Variants in RSPH14 observed in about 807,000 individuals in gnomAD.
The protein encoded by RSPH14 is radial spoke head 14 homolog, also known as rhabdoid tumor deletion region gene 1.
In RSPH14, 20 loss-of-function variants were observed where a neutral mutation model predicts 26.7. The ratio of observed to expected loss-of-function variants is 0.75; its 90% CI spans 0.53 to 1.09. RSPH14 has a LOEUF of 1.09. Ranked by LOEUF, RSPH14 falls within the 50% of genes least tolerant of loss-of-function variation. RSPH14 has a pLI of 0.00. For missense variants in RSPH14, 449 were observed against 457.2 expected, an observed-to-expected ratio of 0.98 and a Z score of 0.16; for synonymous variants, 177 against 189.3, an observed-to-expected ratio of 0.93 and a Z score of 0.53.
chr22:23,153,149 C>A, the RSPH14 span: 4 of 1,600,850 alleles, frequency 2.5e-6, no homozygotes, highest in Admixed American at 1.7e-5. Flanking sequence ...GTTGCTGGTT[C>A]CCCCATGGCT....
chr22:23,109,422 G>A (rs2069579551), intron 4 of RSPH14, among the ~76,000 whole-genome samples: 1 of 152,182 alleles, frequency 6.6e-6, no homozygotes, highest in African/African-American at 2.4e-5. Flanking sequence ...CTTTTTGGGA[G>A]TCCTGAATCT....
intron 4 of RSPH14, among the ~76,000 whole-genome samples, chr22:23,081,890 C>A (rs1001688992): frequency 6.7e-6 from 1 of 149,658 alleles, no homozygotes; most frequent in Non-Finnish European, 1.5e-5. Flanking sequence ...CTTTGGGGGG[C>A]CGAGGCGGGC....
chr22:23,140,187 C>A (rs749646687), intron 2 of RSPH14, 35 bp downstream of exon 2: 5 of 1,609,370 alleles, frequency 3.1e-6, no homozygotes, highest in Non-Finnish European at 4.2e-6. Flanking sequence ...ATGCTAGGAC[C>A]CCAGTCATGG....
chr22:23,129,088 T>C (rs1336299685), intron 4 of RSPH14, among the ~76,000 whole-genome samples: 1 of 152,112 alleles, frequency 6.6e-6, no homozygotes, highest in Non-Finnish European at 1.5e-5. Context: ...ACAGAGCCAC[T>C]GAAATAGATG....
At chr22:23,118,477 GCCCCA>G (rs376905304) in intron 4 of RSPH14, among the ~76,000 whole-genome samples, 22 of 137,480 alleles carry the variant, frequency 1.6e-4, no homozygotes, top group Middle Eastern at 3.7e-3. Context: ...TCCCCGCCCC[GCCCCA>G]CCCCCCGCGG....
chr22:23,113,578 T>C (rs1205240495), intron 4 of RSPH14, among the ~76,000 whole-genome samples: 1 of 152,232 alleles, frequency 6.6e-6, no homozygotes, highest in East Asian at 1.9e-4. Flanking sequence ...TTGCGACTGA[T>C]ACCATCCTTG....
chr22:23,160,350 G>A, the RSPH14 span, among the ~76,000 whole-genome samples: 3 of 152,202 alleles, frequency 2.0e-5, no homozygotes, highest in Non-Finnish European at 2.9e-5. Context: ...GCAGGTTGCT[G>A]GCTGCACAAG....
chr22:23,158,843 C>G, the RSPH14 span: 2 of 1,532,228 alleles, frequency 1.3e-6, no homozygotes, highest in South Asian at 1.1e-5. Flanking sequence ...CCCTCTGCCC[C>G]CTGTTTGGGG....
chr22:23,143,268 G>T (rs142728439), upstream of RSPH14, among the ~76,000 whole-genome samples: 47 of 151,278 alleles, frequency 3.1e-4, no homozygotes, highest in African/African-American at 1.0e-3. Context: ...CCCAGCCTGG[G>T]TGACAGAGTG....
At chr22:23,088,018 G>C (rs1311989422) in intron 4 of RSPH14, among the ~76,000 whole-genome samples, 1 of 152,198 alleles carries the variant, frequency 6.6e-6, no homozygotes. Context: ...TACCGTCTTT[G>C]TTTAAACTAT....
chr22:23,136,304 C>A (rs971896667), intron 3 of RSPH14: 4 of 701,838 alleles, frequency 5.7e-6, no homozygotes, highest in Non-Finnish European at 1.1e-5. Flanking sequence ...ATCCTCATTC[C>A]CCCTTCCTGT....
intron 4 of RSPH14, among the ~76,000 whole-genome samples, chr22:23,115,779 A>G (rs2069814280): frequency 6.6e-6 from 1 of 152,186 alleles, no homozygotes; most frequent in Admixed American, 6.5e-5. Context: ...TTTATTTTCT[A>G]AACCTCAGTT....
At chr22:23,146,650 G>A, upstream of RSPH14, 1 of 1,614,090 alleles carries the variant, frequency 6.2e-7, no homozygotes, top group Non-Finnish European at 8.5e-7. Flanking sequence ...GGGGCCCCCT[G>A]TGAGCCGCGA....
At chr22:23,074,275 C>T (rs551562197) in intron 4 of RSPH14, among the ~76,000 whole-genome samples, 165 of 152,322 alleles carry the variant, frequency 1.1e-3, no homozygotes, top group African/African-American at 3.7e-3. Context: ...TGAGGGGCTA[C>T]TGCAACATCC....
chr22:23,164,817 C>T, the RSPH14 span, among the ~76,000 whole-genome samples: 7 of 152,150 alleles, frequency 4.6e-5, no homozygotes, highest in African/African-American at 1.7e-4. Context: ...GAAGCAGGTC[C>T]TCTCCTGTCA....
intron 4 of RSPH14, among the ~76,000 whole-genome samples, chr22:23,107,903 G>T (rs1454878368): frequency 2.6e-5 from 4 of 152,330 alleles, no homozygotes; most frequent in South Asian, 2.1e-4. Context: ...ACACAGACCA[G>T]CTGTCACTGG....
upstream of RSPH14, chr22:23,145,402 G>A (rs551752308): frequency 6.2e-7 from 1 of 1,609,458 alleles, no homozygotes; most frequent in Non-Finnish European, 8.5e-7. Context: ...GCTTGGACGC[G>A]CCGCTGCCAG....
intron 4 of RSPH14, among the ~76,000 whole-genome samples, chr22:23,094,739 G>C (rs2069075466): frequency 6.6e-6 from 1 of 152,234 alleles, no homozygotes. Context: ...CAGGGGCCAG[G>C]TCTCCCTCCT....
At chr22:23,137,520 G>A (rs2070502900) in intron 3 of RSPH14, among the ~76,000 whole-genome samples, 1 of 152,200 alleles carries the variant, frequency 6.6e-6, no homozygotes, top group South Asian at 2.1e-4. Flanking sequence ...GAGCTTGATG[G>A]GCTCTAAGTA....
Sources: gnomAD v4.1 joint callset for allele counts (sites outside exome capture counted in the v4.1 genomes callset) on GRCh38, gnomAD v4.1.1 for gene constraint, MANE v1.5 for transcripts, NCBI Gene and HGNC (gene_info 2026-07-23, HGNC 2026-07-21) for gene names.